Variants in SETD2 observed in about 807,000 individuals in gnomAD.
SETD2 encodes the protein SET domain containing 2, histone lysine methyltransferase, also known as histone-lysine N-methyltransferase SETD2.
SETD2 carries 31 observed loss-of-function variants against 242.1 expected under a neutral mutation model. That is an observed-to-expected ratio of 0.13 (90% confidence interval 0.10 to 0.17). The LOEUF is 0.17. SETD2 is among the 10% of genes least tolerant of loss of function. The pLI is 1.00. For missense variants in SETD2, 2,481 were observed against 3,046.3 expected, an observed-to-expected ratio of 0.81 and a Z score of 4.37; for synonymous variants, 1,006 against 1,066.5, an observed-to-expected ratio of 0.94 and a Z score of 1.11.
intron 9 of SETD2, among the ~76,000 whole-genome samples, chr3:47,088,999 T>C (rs2041683701): frequency 6.6e-6 from 1 of 152,126 alleles, no homozygotes; most frequent in Non-Finnish European, 1.5e-5. Flanking sequence ...GTGAAAGGAA[T>C]CAAGTACAGC....
intron 13 of SETD2, chr3:47,064,558 C>G: frequency 3.4e-6 from 1 of 296,340 alleles, no homozygotes; most frequent in South Asian, 3.1e-5. Flanking sequence ...ATCATACCAA[C>G]AGTTCATATT....
intron 17 of SETD2, among the ~76,000 whole-genome samples, chr3:47,042,328 C>T (rs945398806): frequency 2.0e-5 from 3 of 152,236 alleles, no homozygotes; most frequent in Non-Finnish European, 2.9e-5. Context: ...CACCACTGTA[C>T]TCCAGCCTGG....
At chr3:47,090,959 AC>A (rs1559709663) in intron 9 of SETD2, among the ~76,000 whole-genome samples, 2 of 152,236 alleles carry the variant, frequency 1.3e-5, no homozygotes, top group Non-Finnish European at 2.9e-5. Context: ...CCAAAAATTC[AC>A]ATTCTGGTAA....
intron 17 of SETD2, among the ~76,000 whole-genome samples, chr3:47,040,568 G>GGTTTTT (rs2039231677): frequency 1.4e-5 from 1 of 72,120 alleles, no homozygotes; most frequent in East Asian, 5.2e-4. Context: ...GAGGGAAAAG[G>GGTTTTT]ATTTTTTTTT....
chr3:47,109,881 G>A (rs542678137), intron 5 of SETD2, among the ~76,000 whole-genome samples: 1 of 151,770 alleles, frequency 6.6e-6, no homozygotes, highest in South Asian at 2.1e-4. Context: ...AGCTACTCAG[G>A]AGGCTGAGGC....
intron 8 of SETD2, among the ~76,000 whole-genome samples, chr3:47,099,491 AT>A (rs2042127399): frequency 1.3e-5 from 2 of 152,248 alleles, no homozygotes; most frequent in South Asian, 4.1e-4. Flanking sequence ...GTGTTCTTTC[AT>A]TATGAGGCAC....
chr3:47,136,639 A>T (rs114824041), intron 1 of SETD2, among the ~76,000 whole-genome samples: 13,239 of 152,200 alleles, frequency 0.087, 729 homozygotes, highest in Middle Eastern at 0.14. Flanking sequence ...GCTCCAAAAG[A>T]TAGGGCAGTG....
chr3:47,052,468 C>T (rs759701006), intron 15 of SETD2, among the ~76,000 whole-genome samples: 8 of 152,088 alleles, frequency 5.3e-5, no homozygotes, highest in East Asian at 3.9e-4. Flanking sequence ...CCACCACGCC[C>T]GGCTGAAAAA....
In SETD2 at chr3:47,120,910, C is replaced by T. The variant is rs1368796686; in HGVS notation, c.3726G>A (p.Glu1242=). Reference sequence around the variant, plus strand: ...AGTGCAAGCCATCCACATGTGGTATCTCACAAGAGGAAGAAAAACTCAATT... The same window carrying T: ...AGTGCAAGCCATCCACATGTGGTATTTCACAAGAGGAAGAAAAACTCAATT... ...KTELSFSSSC[E]IPHVDGLHSS... is the part of the protein sequence containing the mutation. The change falls in exon 3 of 21, where the codon GAG becomes GAA. Residue 1242 remains glutamate, a synonymous_variant. Transcript: ENST00000409792. 1 of 1,614,230 alleles carries T rather than the reference C, an allele frequency of 6.2e-7. No homozygotes were observed. Among genetic ancestry groups the T allele is most frequent in the Admixed American group, 1.7e-5 (1 of 60,026 alleles).
At chr3:47,163,001 G>A (rs746509237) in intron 1 of SETD2, among the ~76,000 whole-genome samples, 10 of 152,070 alleles carry the variant, frequency 6.6e-5, no homozygotes, top group Non-Finnish European at 1.5e-4. Context: ...AACGATTCTT[G>A]GTTTTTAACC....
At chr3:47,137,140 A>T (rs1325342969) in intron 1 of SETD2, among the ~76,000 whole-genome samples, 1 of 152,110 alleles carries the variant, frequency 6.6e-6, no homozygotes, top group Non-Finnish European at 1.5e-5. Flanking sequence ...TTCTCCCATC[A>T]TTCTATATTA....
rs184393630 is a variant in SETD2, at chr3:47,072,714, G to C, written c.6061-5596C>G. Among the ~76,000 whole-genome samples, 56 of 152,170 alleles carry C rather than the reference G, an allele frequency of 3.7e-4. No homozygotes were observed. The South Asian group carries it at 5.4e-3, about 15-fold the overall frequency. On this transcript the variant is annotated intron_variant, in intron 12 of 20. Transcript: ENST00000409792. Reference sequence around the variant, plus strand: ...TAATCCCAGCACTTTGGAAGGACGAGGCAGGCAGATCACGAGGTCAGGAGA... The same window carrying C: ...TAATCCCAGCACTTTGGAAGGACGACGCAGGCAGATCACGAGGTCAGGAGA...
At position 47,121,790 on chromosome 3, in the gene SETD2, C is replaced by A. The variant is rs763914278; in HGVS notation, c.2846G>T (p.Arg949Met). ...SGKGFASREN[R>M]RNNGLSGKCL... ...TTTCCCAGATAACCCATTATTACGC[C>A]TGTTCTCCCTGGAAGCAAATCCCTT... is the stretch of plus-strand genomic sequence containing the variant. The change falls in exon 3 of 21, where the codon AGG becomes ATG. Residue 949 changes from arginine (R) to methionine (M), a missense_variant. This residue lies in a region of SETD2 where 1,300 missense variants were observed against 1,259.2 expected (regional missense o/e 1.03). Coordinates refer to ENST00000409792, the MANE Select transcript of SETD2 (RefSeq NM_014159.7). 9.3e-6 allele frequency: 15 copies of A among 1,614,104 alleles called. No individual in the cohort carries two copies. Among genetic ancestry groups the A allele is most frequent in the Non-Finnish European group, 1.3e-5 (15 of 1,179,980 alleles).
intron 15 of SETD2, among the ~76,000 whole-genome samples, chr3:47,055,995 A>G (rs1319066030): frequency 1.9e-5 from 2 of 105,386 alleles, no homozygotes; most frequent in Admixed American, 1.4e-4. Flanking sequence ...CCTGGGGGAC[A>G]GAGCGAGACT....
At chr3:47,078,177 C>CT (rs2041173320) in intron 12 of SETD2, among the ~76,000 whole-genome samples, 1 of 152,092 alleles carries the variant, frequency 6.6e-6, no homozygotes, top group African/African-American at 2.4e-5. Context: ...ATATGTGATG[C>CT]TTTTTAATTA....
At chr3:47,150,887 T>G (rs751445997) in intron 1 of SETD2, among the ~76,000 whole-genome samples, 1 of 150,254 alleles carries the variant, frequency 6.7e-6, no homozygotes, top group Non-Finnish European at 1.5e-5. Flanking sequence ...GCCACTACAT[T>G]TCAGCCTGAG....
intron 1 of SETD2, among the ~76,000 whole-genome samples, chr3:47,156,514 T>C (rs550575382): frequency 6.6e-6 from 1 of 152,252 alleles, no homozygotes; most frequent in South Asian, 2.1e-4. Context: ...ATGCCTAAAA[T>C]GTAGCAAAAG....
At chr3:47,104,152 TTGAAC>T (rs2042319747) in intron 6 of SETD2, among the ~76,000 whole-genome samples, 1 of 151,894 alleles carries the variant, frequency 6.6e-6, no homozygotes, top group Non-Finnish European at 1.5e-5. Context: ...TATATGAGAA[TTGAAC>T]TGAATTTTAT....
intron 1 of SETD2, among the ~76,000 whole-genome samples, chr3:47,152,961 C>A (rs1173339153): frequency 1.3e-5 from 2 of 152,202 alleles, no homozygotes; most frequent in Non-Finnish European, 2.9e-5. Flanking sequence ...CTATCTTAAA[C>A]CTCCATTGAA....
Sources: allele counts gnomAD v4.1 joint callset (sites outside exome capture counted in the v4.1 genomes callset), GRCh38; gene constraint gnomAD v4.1.1; regional missense constraint gnomAD v4.1.1; transcripts MANE v1.5; gene names NCBI Gene and HGNC (gene_info 2026-07-23, HGNC 2026-07-21).